CPQ: variants seen among roughly 807,000 people sequenced by gnomAD.
CPQ encodes Ser-Met dipeptidase.
In CPQ, 37 loss-of-function variants were observed where a neutral mutation model predicts 45.7. That is an observed-to-expected ratio of 0.81 (90% CI 0.62 to 1.07). The LOEUF is 1.07. Among genes scored for constraint, CPQ ranks in the 50% least tolerant of loss-of-function variants. The pLI is 0.00. For missense variants in CPQ, 537 were observed against 572.9 expected (o/e 0.94, Z 0.64); for synonymous variants, 186 against 205.8 (o/e 0.90, Z 0.82).
At chr8:96,818,652 G>A (rs1406730298) in intron 2 of CPQ, among the ~76,000 whole-genome samples, 1 of 152,024 alleles carries the variant, frequency 6.6e-6, no homozygotes, top group Non-Finnish European at 1.5e-5. Flanking sequence ...GAGCTCATTG[G>A]CAACCAATCA....
intron 1 of CPQ, among the ~76,000 whole-genome samples, chr8:96,736,413 A>G (rs1233225911): frequency 1.3e-5 from 2 of 152,152 alleles, no homozygotes; most frequent in East Asian, 3.9e-4. Flanking sequence ...ATTTCTTTCT[A>G]TAAAATCCAC....
intron 3 of CPQ, among the ~76,000 whole-genome samples, chr8:96,847,302 C>T (rs12542750): frequency 0.029 from 4,406 of 152,238 alleles, 158 homozygotes; most frequent in Middle Eastern, 0.092. Context: ...AATCATTGTA[C>T]TGGAAGTTGC....
chr8:96,740,020 G>T (rs999804732), intron 1 of CPQ, among the ~76,000 whole-genome samples: 5 of 152,054 alleles, frequency 3.3e-5, no homozygotes, highest in Non-Finnish European at 7.4e-5. Flanking sequence ...TAGCTTCATG[G>T]GGATGGCATT....
intron 4 of CPQ, among the ~76,000 whole-genome samples, chr8:96,908,611 A>G (rs908797848): frequency 1.3e-5 from 2 of 152,160 alleles, no homozygotes; most frequent in Admixed American, 1.3e-4. Context: ...TGATTACCAA[A>G]GACAAAAACA....
intron 4 of CPQ, among the ~76,000 whole-genome samples, chr8:96,955,111 T>C (rs1461136175): frequency 6.6e-6 from 1 of 152,094 alleles, no homozygotes; most frequent in Non-Finnish European, 1.5e-5. Context: ...GGGTATATAC[T>C]CAGTAATGGG....
intron 4 of CPQ, among the ~76,000 whole-genome samples, chr8:96,951,810 T>A (rs1813270295): frequency 6.6e-6 from 1 of 152,058 alleles, no homozygotes; most frequent in African/African-American, 2.4e-5. Context: ...AAAACATGCT[T>A]ATGCTTTTCA....
intron 5 of CPQ, among the ~76,000 whole-genome samples, chr8:96,993,191 C>A (rs1015166028): frequency 2.0e-5 from 3 of 152,158 alleles, no homozygotes; most frequent in African/African-American, 7.2e-5. Context: ...TCTAACTCTG[C>A]CACTTGGAAA....
At chr8:97,075,004 C>T (rs1425538087) in intron 7 of CPQ, among the ~76,000 whole-genome samples, 2 of 152,048 alleles carry the variant, frequency 1.3e-5, no homozygotes, top group Non-Finnish European at 2.9e-5. Flanking sequence ...GAACGCTTTA[C>T]AAGGAGAGGG....
chr8:97,065,273 T>G (rs1187767618), intron 6 of CPQ, among the ~76,000 whole-genome samples: 1 of 152,204 alleles, frequency 6.6e-6, no homozygotes, highest in African/African-American at 2.4e-5. Flanking sequence ...GAGCCTATTA[T>G]ATTCTAAATT....
At chr8:96,843,423 G>A (rs974941662) in intron 3 of CPQ, among the ~76,000 whole-genome samples, 1 of 152,000 alleles carries the variant, frequency 6.6e-6, no homozygotes, top group Non-Finnish European at 1.5e-5. Context: ...GAAGGAAGAA[G>A]AAAGAAGAGC....
intron 4 of CPQ, among the ~76,000 whole-genome samples, chr8:96,904,737 G>A (rs1261094182): frequency 6.6e-6 from 1 of 152,136 alleles, no homozygotes; most frequent in African/African-American, 2.4e-5. Context: ...CAAGCTGCCT[G>A]GGTCATTCTG....
At chr8:97,041,109 C>T (rs1810115176) in intron 6 of CPQ, among the ~76,000 whole-genome samples, 1 of 152,152 alleles carries the variant, frequency 6.6e-6, no homozygotes, top group South Asian at 2.1e-4. Context: ...ATTCTTCCTA[C>T]CCATGAGCAT....
intron 1 of CPQ, among the ~76,000 whole-genome samples, chr8:96,769,562 CAT>C: frequency 6.6e-6 from 1 of 151,564 alleles, no homozygotes; most frequent in African/African-American, 2.4e-5. Context: ...TGGATTTCCG[CAT>C]AGATTTTGCA....
chr8:96,998,340 A>T (rs572009833), intron 5 of CPQ, among the ~76,000 whole-genome samples: 1 of 152,076 alleles, frequency 6.6e-6, no homozygotes, highest in East Asian at 1.9e-4. Flanking sequence ...TCTAGAAAAA[A>T]ATCTAAATAA....
intron 3 of CPQ, among the ~76,000 whole-genome samples, chr8:96,856,202 G>C (rs181763868): frequency 8.1e-4 from 124 of 152,302 alleles, no homozygotes; most frequent in African/African-American, 2.9e-3. Context: ...ACTGCCCAGC[G>C]GGACACAGAT....
In CPQ at chr8:97,008,702, T is replaced by G. The variant is rs142501237; in HGVS notation, c.962-20701T>G. On this transcript the variant is annotated intron_variant, in intron 5 of 7. Coordinates refer to ENST00000220763, the MANE Select transcript of CPQ (RefSeq NM_016134.4). ...ATTATATATGTGACCATAAGTGAGT[T>G]GCTTAACCTCTCTAAGCCTCAGCTT... Among the ~76,000 whole-genome samples the G allele has an allele frequency of 6.6e-5, 10 of 152,304 alleles. No homozygotes were observed. The East Asian group carries it at 1.9e-3, about 29-fold the overall frequency.
chr8:96,679,677 C>CT (rs973248876), intron 1 of CPQ, among the ~76,000 whole-genome samples: 1 of 151,372 alleles, frequency 6.6e-6, no homozygotes, highest in African/African-American at 2.4e-5. Flanking sequence ...TCCATTTTCT[C>CT]TAAGTTTTTC....
At chr8:96,700,251 C>CA (rs1179755066) in intron 1 of CPQ, among the ~76,000 whole-genome samples, 1 of 152,002 alleles carries the variant, frequency 6.6e-6, no homozygotes, top group Non-Finnish European at 1.5e-5. Flanking sequence ...GGCTGATAGA[C>CA]AATGGACCGC....
At chr8:96,913,188 G>A (rs1420777170) in intron 4 of CPQ, among the ~76,000 whole-genome samples, 1 of 152,182 alleles carries the variant, frequency 6.6e-6, no homozygotes, top group African/African-American at 2.4e-5. Flanking sequence ...AAGCAATTAG[G>A]CAACCATGTA....
Sources: gnomAD v4.1 joint callset for allele counts (sites outside exome capture counted in the v4.1 genomes callset) on GRCh38, gnomAD v4.1.1 for gene constraint, MANE v1.5 for transcripts, NCBI Gene and HGNC (gene_info 2026-07-23, HGNC 2026-07-21) for gene names.